Variants in QTMAN observed in about 807,000 individuals in gnomAD.
The protein encoded by QTMAN is queuosine-tRNA mannosyltransferase.
chr2:144,246,490 G>A, the QTMAN span, among the ~76,000 whole-genome samples: 5 of 148,304 alleles, frequency 3.4e-5, no homozygotes, highest in South Asian at 2.2e-4. Context: ...GGAGAATGGC[G>A]TGAACCCGGG....
chr2:144,095,155 G>T, the QTMAN span, among the ~76,000 whole-genome samples: 1 of 152,052 alleles, frequency 6.6e-6, no homozygotes, highest in Non-Finnish European at 1.5e-5. Flanking sequence ...GTCCTACTCA[G>T]GGTGAATTAT....
chr2:144,091,809 A>G, the QTMAN span, among the ~76,000 whole-genome samples: 3 of 152,326 alleles, frequency 2.0e-5, no homozygotes, highest in Non-Finnish European at 4.4e-5. Flanking sequence ...GTGGATAAAC[A>G]AATTGTGGTA....
the QTMAN span, among the ~76,000 whole-genome samples, chr2:144,246,579 CAAAAAA>C: frequency 3.0e-4 from 14 of 47,062 alleles, no homozygotes; most frequent in African/African-American, 8.4e-4. Context: ...GACTCCGTCT[CAAAAAA>C]AAAAAAAAAA....
chr2:144,182,901 T>TATATTA, the QTMAN span, among the ~76,000 whole-genome samples: 1 of 95,826 alleles, frequency 1.0e-5, no homozygotes, highest in African/African-American at 4.0e-5. Flanking sequence ...TATATATATA[T>TATATTA]TATATATATA....
At chr2:143,959,902 C>CTA in the QTMAN span, among the ~76,000 whole-genome samples, 151 of 151,990 alleles carry the variant, frequency 9.9e-4, no homozygotes, top group African/African-American at 3.5e-3. Context: ...GTGCAGTGTG[C>CTA]TATATTATGG....
the QTMAN span, among the ~76,000 whole-genome samples, chr2:144,314,824 AC>A: frequency 2.0e-5 from 3 of 152,224 alleles, no homozygotes; most frequent in Non-Finnish European, 2.9e-5. Context: ...GTCAAAATTC[AC>A]TTAAAAATTG....
the QTMAN span, among the ~76,000 whole-genome samples, chr2:143,988,810 T>C: frequency 6.6e-6 from 1 of 152,356 alleles, no homozygotes; most frequent in African/African-American, 2.4e-5. Flanking sequence ...TAAATATGTG[T>C]TGTGAACAAC....
At chr2:143,957,339 T>A in the QTMAN span, 10 of 1,578,008 alleles carry the variant, frequency 6.3e-6, no homozygotes, top group Middle Eastern at 5.1e-4. Context: ...TGAAAAAATA[T>A]CTTTTAAAAA....
the QTMAN span, among the ~76,000 whole-genome samples, chr2:144,169,802 A>G: frequency 2.0e-5 from 3 of 152,056 alleles, no homozygotes; most frequent in African/African-American, 2.4e-5. Flanking sequence ...CCATTACACT[A>G]TATCAAATCC....
At chr2:144,282,238 T>A in the QTMAN span, among the ~76,000 whole-genome samples, 3 of 152,242 alleles carry the variant, frequency 2.0e-5, no homozygotes, top group East Asian at 5.8e-4. Flanking sequence ...AAGCTGTATT[T>A]TTAATAAGTT....
chr2:144,007,864 A>G, the QTMAN span, among the ~76,000 whole-genome samples: 6 of 152,014 alleles, frequency 3.9e-5, no homozygotes, highest in Non-Finnish European at 7.4e-5. Flanking sequence ...GTGTTTTCCA[A>G]TCACCACATG....
At chr2:144,167,056 TCTG>T in the QTMAN span, among the ~76,000 whole-genome samples, 1 of 152,208 alleles carries the variant, frequency 6.6e-6, no homozygotes. Flanking sequence ...GTACATTATC[TCTG>T]CTTAGCATTC....
chr2:144,155,419 C>T, the QTMAN span, among the ~76,000 whole-genome samples: 1 of 152,232 alleles, frequency 6.6e-6, no homozygotes, highest in Middle Eastern at 3.4e-3. Context: ...TGTTTTATCA[C>T]CATAAACTAA....
At chr2:144,096,583 C>T in the QTMAN span, among the ~76,000 whole-genome samples, 1 of 152,180 alleles carries the variant, frequency 6.6e-6, no homozygotes, top group Non-Finnish European at 1.5e-5. Context: ...AGATTAATAA[C>T]AAAACACACT....
chr2:144,243,636 T>C, the QTMAN span, among the ~76,000 whole-genome samples: 10 of 152,206 alleles, frequency 6.6e-5, no homozygotes, highest in African/African-American at 2.4e-4. Flanking sequence ...CCTTATGGTA[T>C]CTAGACCATA....
At chr2:144,305,204 T>C in the QTMAN span, among the ~76,000 whole-genome samples, 2 of 152,204 alleles carry the variant, frequency 1.3e-5, no homozygotes, top group South Asian at 2.1e-4. Context: ...CTTACTCTTA[T>C]GTTTTCTTTT....
the QTMAN span, chr2:143,943,517 T>A: frequency 6.6e-6 from 1 of 152,256 alleles, no homozygotes; most frequent in Non-Finnish European, 1.5e-5. Context: ...TCTTGAGACT[T>A]CAGTAAAATT....
the QTMAN span, among the ~76,000 whole-genome samples, chr2:144,155,343 GAAGT>G: frequency 6.6e-6 from 1 of 152,126 alleles, no homozygotes. Context: ...TAGCCTTGAA[GAAGT>G]AAGTCAATTA....
chr2:143,987,644 C>T, the QTMAN span, among the ~76,000 whole-genome samples: 2 of 152,190 alleles, frequency 1.3e-5, no homozygotes, highest in South Asian at 4.1e-4. Flanking sequence ...TAATGTGCTT[C>T]CTCTCTTGGT....
Sources: gnomAD v4.1 joint callset for allele counts (sites outside exome capture counted in the v4.1 genomes callset) on GRCh38, gnomAD v4.1.1 for gene constraint, MANE v1.5 for transcripts, NCBI Gene and HGNC (gene_info 2026-07-23, HGNC 2026-07-21) for gene names.